The following OPHN1 variants were observed in gnomAD, a reference collection of about 807,000 sequenced individuals.
OPHN1 encodes oligophrenin 1, also known as oligophrenin-1.
OPHN1 carries 11 observed loss-of-function variants against 60.7 expected under a neutral mutation model. That is an observed-to-expected ratio of 0.18 (90% confidence interval 0.11 to 0.30). OPHN1 has a LOEUF of 0.30. OPHN1 is among the 10% of genes least tolerant of loss of function. OPHN1 has a pLI of 1.00. For synonymous variants in OPHN1, 226 were observed against 222.6 expected (o/e 1.02, Z -0.14); for missense variants, 449 against 611.0 (o/e 0.73, Z 2.80).
chrX:68,316,346 C>G (rs1300384892), intron 2 of OPHN1, among the ~76,000 whole-genome samples: 1 of 111,985 alleles, frequency 8.9e-6, no homozygotes, highest in Non-Finnish European at 1.9e-5. Context: ...ACACCCCAAC[C>G]AAAATTAGCA....
chrX:68,233,778 A>G (rs1334511169), intron 6 of OPHN1, among the ~76,000 whole-genome samples: 1 of 111,711 alleles, frequency 9.0e-6, no homozygotes, highest in Non-Finnish European at 1.9e-5. Context: ...TTCTTCCACA[A>G]AGGAAATTCC....
intron 2 of OPHN1, among the ~76,000 whole-genome samples, chrX:68,393,885 GTTTTTTTTTTTTTTT>G (rs1163192446): frequency 2.9e-5 from 1 of 34,600 alleles, no homozygotes; most frequent in East Asian, 1.2e-3. Context: ...AATAGACTTT[GTTTTTTTTTTTTTTT>G]TTTTTTTTTT....
intron 2 of OPHN1, among the ~76,000 whole-genome samples, chrX:68,423,268 G>T (rs1461373495): frequency 9.0e-6 from 1 of 110,929 alleles, no homozygotes; most frequent in Non-Finnish European, 1.9e-5. Flanking sequence ...CTCGTGATCT[G>T]CCCGCCTCGG....
rs1267486423 is a variant in OPHN1 at position 68,189,361 on chromosome X, AT to A, written c.1276+3557del. Among the ~76,000 whole-genome samples the A allele has an allele frequency of 1.8e-3, 198 of 109,310 alleles. 2 individuals are homozygous for A. Among genetic ancestry groups the A allele is most frequent in the African/African-American group, 5.5e-3 (167 of 30,148 alleles). 94.9% of individuals were successfully genotyped at this position (109,310 alleles called of 115,157 possible). ...TTTTTATGATTTAAACTTTTTTTTA[AT>A]TTTTTTTTTATACTTTAAGTTCTAG... is the stretch of plus-strand genomic sequence containing the variant. On this transcript the variant is annotated intron_variant, in intron 15 of 24. Transcript: ENST00000355520.
intron 6 of OPHN1, among the ~76,000 whole-genome samples, chrX:68,216,408 G>T (rs1215700517): frequency 9.0e-6 from 1 of 110,518 alleles, no homozygotes; most frequent in African/African-American, 3.3e-5. Flanking sequence ...CCTTTTAAAC[G>T]TCAGTGATCT....
At chrX:68,069,746 G>A (rs1157974483) in intron 20 of OPHN1, among the ~76,000 whole-genome samples, 1 of 110,837 alleles carries the variant, frequency 9.0e-6, no homozygotes, top group Non-Finnish European at 1.9e-5. Flanking sequence ...AGAATGTTAA[G>A]AAAAGGTCTC....
chrX:68,344,224 A>G (rs2078368130), intron 2 of OPHN1, among the ~76,000 whole-genome samples: 1 of 112,027 alleles, frequency 8.9e-6, no homozygotes, highest in African/African-American at 3.2e-5. Flanking sequence ...TACAACATCT[A>G]TGAAAACCCC....
intron 19 of OPHN1, among the ~76,000 whole-genome samples, chrX:68,087,098 T>G: frequency 8.9e-6 from 1 of 112,160 alleles, no homozygotes; most frequent in Non-Finnish European, 1.9e-5. Flanking sequence ...TGATTTGGCT[T>G]TCTGTGGACT....
At chrX:68,218,772 G>A (rs941615791) in intron 6 of OPHN1, among the ~76,000 whole-genome samples, 4 of 94,156 alleles carry the variant, frequency 4.2e-5, no homozygotes, top group Non-Finnish European at 6.4e-5. Context: ...AAGAGCTCCT[G>A]AAGGAAGCAC....
rs112380471 is a variant in OPHN1 at position 68,354,479 on chromosome X, C to A, written c.155-55383G>T. 6.2e-3 allele frequency among the ~76,000 whole-genome samples: 577 copies of A among 93,002 alleles called. 5 individuals are homozygous for A. Among genetic ancestry groups the A allele is most frequent in the African/African-American group, 0.023 (556 of 24,098 alleles). 80.8% of individuals were successfully genotyped at this position (93,002 alleles called of 115,157 possible). A position where few individuals can be genotyped will look rare whatever the true frequency, so the allele number is the denominator to read the frequency against. ...AAAAAAAAAAAAAAAAAAAAAAAGTCGGGCGCGGTGGCTCATGCCTGTAAT... is the reference window on the plus strand; with the variant it reads ...AAAAAAAAAAAAAAAAAAAAAAAGTAGGGCGCGGTGGCTCATGCCTGTAAT... On this transcript the variant is annotated intron_variant, in intron 2 of 24. Transcript: ENST00000355520.
intron 21 of OPHN1, among the ~76,000 whole-genome samples, chrX:68,055,809 T>G (rs1252235450): frequency 9.0e-6 from 1 of 111,647 alleles, no homozygotes; most frequent in African/African-American, 3.3e-5. Flanking sequence ...TGTAGGGACA[T>G]GGATGAAGCT....
intron 2 of OPHN1, among the ~76,000 whole-genome samples, chrX:68,406,534 C>G (rs1031219768): frequency 9.9e-5 from 11 of 110,602 alleles, no homozygotes; most frequent in African/African-American, 3.6e-4. Flanking sequence ...ATCACTTGAA[C>G]CCGGGAGGTG....
chrX:68,109,472 C>T (rs1344259746), intron 18 of OPHN1, among the ~76,000 whole-genome samples: 1 of 111,446 alleles, frequency 9.0e-6, no homozygotes, highest in Non-Finnish European at 1.9e-5. Context: ...AATAATGCTG[C>T]TATGGACATT....
chrX:68,175,092 AG>A (rs1490864475), intron 15 of OPHN1, among the ~76,000 whole-genome samples: 1 of 109,967 alleles, frequency 9.1e-6, no homozygotes, highest in Non-Finnish European at 1.9e-5. Context: ...CAAAAAAAAA[AG>A]AAAAAAAATC....
chrX:68,116,679 G>A (rs1484694990), intron 16 of OPHN1, among the ~76,000 whole-genome samples: 3 of 111,624 alleles, frequency 2.7e-5, no homozygotes, highest in African/African-American at 9.8e-5. Context: ...TTTCTTCAAA[G>A]CTACCCAAAT....
At chrX:68,159,780 G>A (rs1394422625) in intron 15 of OPHN1, among the ~76,000 whole-genome samples, 2 of 110,599 alleles carry the variant, frequency 1.8e-5, no homozygotes, top group African/African-American at 3.3e-5. Flanking sequence ...TTAAGAAAAC[G>A]AGTAAAATAA....
chrX:68,111,887 T>A lies in OPHN1; in HGVS notation c.1493A>T (p.Glu498Val). ...GTGTCTTATCAGAAGTTCCAGCATCTCTCGGTTCTTTTCTGGTAGCTTATA... is the reference window on the plus strand; with the variant it reads ...GTGTCTTATCAGAAGTTCCAGCATCACTCGGTTCTTTTCTGGTAGCTTATA... ...LVYKLPEKNR[E>V]MLELLIRHLV... Residue 498 changes from glutamate to valine, a missense_variant, in exon 18 of 25, where the codon GAG (glutamate) becomes GTG (valine). Physicochemically the swap from Glu to Val is moderately radical, Grantham distance 121 (BLOSUM62 -2). Around this residue, in one of 4 missense-constraint regions of OPHN1, gnomAD observed 166 missense variants for 278.4 expected, o/e 0.60. Transcript: ENST00000355520. 8.3e-7 allele frequency: 1 copy of A among 1,206,589 alleles called. No homozygotes were observed. The highest frequency in any genetic ancestry group is 1.1e-6 in the Non-Finnish European group (1 of 891,193).
chrX:68,135,949 G>A (rs757118930), intron 15 of OPHN1, among the ~76,000 whole-genome samples: 137 of 111,576 alleles, frequency 1.2e-3, no homozygotes, highest in African/African-American at 4.1e-3. Context: ...ATTCAGTGAA[G>A]GTGCCAAATA....
chrX:68,248,565 A>G (rs2077818448), intron 5 of OPHN1, among the ~76,000 whole-genome samples: 2 of 111,951 alleles, frequency 1.8e-5, no homozygotes, highest in African/African-American at 3.2e-5. Context: ...TTGAACTACT[A>G]TAAGATCCAG....
Sources: allele counts gnomAD v4.1 joint callset (sites outside exome capture counted in the v4.1 genomes callset), GRCh38; gene constraint gnomAD v4.1.1; regional missense constraint gnomAD v4.1.1; transcripts MANE v1.5; gene names NCBI Gene and HGNC (gene_info 2026-07-23, HGNC 2026-07-21).